The following TRPM3 variants were observed in gnomAD, a reference collection of about 807,000 sequenced individuals.
TRPM3 encodes the protein long transient receptor potential channel 3.
A neutral mutation model predicts 181.2 loss-of-function variants in TRPM3; 77 were observed. That is an observed-to-expected ratio of 0.42 (90% confidence interval 0.35 to 0.51). The LOEUF (loss-of-function observed/expected upper bound fraction) is 0.51, where lower values mean the gene tolerates loss of function less well. Ranked by LOEUF, TRPM3 falls within the 20% of genes least tolerant of loss-of-function variation. The probability of loss-of-function intolerance (pLI) is 0.01; values close to 1 mark genes in which losing one functional copy is unlikely to be tolerated. For missense variants in TRPM3, 1,759 were observed against 2,196.7 expected (o/e 0.80, Z 3.98); for synonymous variants, 745 against 796.4 (o/e 0.94, Z 1.09).
upstream of TRPM3, among the ~76,000 whole-genome samples, chr9:71,124,025 T>C (rs868056634): frequency 3.3e-5 from 5 of 152,014 alleles, no homozygotes; most frequent in Non-Finnish European, 5.9e-5. Flanking sequence ...AGTGAGGAAG[T>C]AGGAGGATTC....
intron 22 of TRPM3, among the ~76,000 whole-genome samples, chr9:70,588,335 C>T (rs2057504461): frequency 6.6e-6 from 1 of 152,116 alleles, no homozygotes; most frequent in Non-Finnish European, 1.5e-5. Flanking sequence ...TCAAAGCCGC[C>T]CTCTCTTCTG....
At chr9:71,203,987 G>A (rs1342965962) in intron 1 of TRPM3, among the ~76,000 whole-genome samples, 1 of 152,064 alleles carries the variant, frequency 6.6e-6, no homozygotes, top group African/African-American at 2.4e-5. Flanking sequence ...AATAAATGGT[G>A]CTGGGAAAAC....
At chr9:71,199,895 T>G (rs942666174) in intron 1 of TRPM3, among the ~76,000 whole-genome samples, 1 of 152,156 alleles carries the variant, frequency 6.6e-6, no homozygotes, top group Admixed American at 6.5e-5. Flanking sequence ...TGATTTTAGT[T>G]ATTTCTTGCC....
chr9:70,628,238 A>G (rs898050371), intron 12 of TRPM3, among the ~76,000 whole-genome samples: 1 of 152,118 alleles, frequency 6.6e-6, no homozygotes, highest in Non-Finnish European at 1.5e-5. Flanking sequence ...TCCTATGGGG[A>G]TGACCGCCCG....
At chr9:71,119,413 C>T (rs60813799) in intron 1 of TRPM3, among the ~76,000 whole-genome samples, 31,806 of 151,500 alleles carry the variant, frequency 0.21, 3,478 homozygotes, top group African/African-American at 0.25. Context: ...GTATGGACAG[C>T]ACTTTCAGTT....
chr9:70,930,895 A>G (rs928843078), intron 1 of TRPM3, among the ~76,000 whole-genome samples: 14 of 152,128 alleles, frequency 9.2e-5, no homozygotes, highest in South Asian at 6.2e-4. Context: ...AAAAATAAAT[A>G]TATATATTCA....
chr9:71,420,645 G>A lies in TRPM3; in HGVS notation c.183+26008C>T, dbSNP rs557948974. 2.9e-3 allele frequency among the ~76,000 whole-genome samples: 340 copies of A among 116,524 alleles called. 3 individuals are homozygous for A. In the Middle Eastern group the frequency reaches 0.036, roughly 12 times the overall value. The allele number at this position is 116,524 out of a possible 152,430, so 76.4% of individuals were successfully genotyped here. A position where few individuals can be genotyped will look rare whatever the true frequency, so the allele number is the denominator to read the frequency against. ...AGAAAAAGAAAAAGAAAAAGAGAGA[G>A]AAAGAGAAAGAAAAAGAGAAAGAAA... On this transcript the variant is annotated intron_variant, in intron 1 of 24. Transcript: ENST00000357533.
intron 3 of TRPM3, among the ~76,000 whole-genome samples, chr9:70,848,778 C>A (rs1322552716): frequency 3.1e-5 from 1 of 31,782 alleles, no homozygotes; most frequent in East Asian, 3.5e-4. Flanking sequence ...GAGATCGAGA[C>A]CATCCTGGCT....
intron 1 of TRPM3, among the ~76,000 whole-genome samples, chr9:70,935,517 A>G (rs1016058692): frequency 6.6e-6 from 1 of 152,172 alleles, no homozygotes; most frequent in Non-Finnish European, 1.5e-5. Flanking sequence ...GTCTCACACT[A>G]TAGGTTGCCT....
rs1589761132 is a variant in TRPM3, at chr9:70,917,294, T to C, written c.178-52783A>G. 5 of 1,374,734 alleles carry C rather than the reference T, an allele frequency of 3.6e-6. No individual in the cohort carries two copies. The East Asian group carries it at 6.9e-5, about 19-fold the overall frequency. The allele number at this position is 1,374,734 out of a possible 1,614,324, so 85.2% of individuals were successfully genotyped here. A position where few individuals can be genotyped will look rare whatever the true frequency, so the allele number is the denominator to read the frequency against. On this transcript the variant is annotated intron_variant, in intron 1 of 25. Transcript: ENST00000677713. Reference sequence around the variant, plus strand: ...AGCATAGTCAATTAGGAAGCGAAAGTGGTATATTATTAATGGAGTTTCATG... The same window carrying C: ...AGCATAGTCAATTAGGAAGCGAAAGCGGTATATTATTAATGGAGTTTCATG...
chr9:71,007,096 A>C (rs2097687578), intron 1 of TRPM3, among the ~76,000 whole-genome samples: 1 of 148,884 alleles, frequency 6.7e-6, no homozygotes, highest in Admixed American at 6.7e-5. Flanking sequence ...AGGAACAGAA[A>C]AAAAAAAAAA....
intron 1 of TRPM3, among the ~76,000 whole-genome samples, chr9:70,920,765 A>G (rs973546213): frequency 4.6e-5 from 7 of 152,238 alleles, no homozygotes; most frequent in Non-Finnish European, 7.3e-5. Flanking sequence ...AATGGAATCA[A>G]TATGAAAAGC....
chr9:70,789,231 T>C (rs556483134), intron 6 of TRPM3, among the ~76,000 whole-genome samples: 1 of 152,330 alleles, frequency 6.6e-6, no homozygotes, highest in East Asian at 1.9e-4. Context: ...ACATTTTTTA[T>C]TTGTGACATA....
At chr9:70,624,980 G>T (rs112615407) in intron 14 of TRPM3, among the ~76,000 whole-genome samples, 29 of 152,218 alleles carry the variant, frequency 1.9e-4, no homozygotes, top group African/African-American at 6.7e-4. Flanking sequence ...AATTTTTAAA[G>T]GTATAAAGAC....
intron 20 of TRPM3, among the ~76,000 whole-genome samples, chr9:70,599,521 G>C (rs150713804): frequency 1.3e-5 from 2 of 152,184 alleles, no homozygotes; most frequent in African/African-American, 4.8e-5. Context: ...CTCATTTCAC[G>C]TCCCATCATA....
At chr9:70,834,463 G>A (rs1218251108) in intron 5 of TRPM3, among the ~76,000 whole-genome samples, 2 of 152,100 alleles carry the variant, frequency 1.3e-5, no homozygotes, top group African/African-American at 2.4e-5. Flanking sequence ...GTATGAGTGG[G>A]GTGATTAAAA....
chr9:70,994,056 C>G (rs2097519550), intron 1 of TRPM3, among the ~76,000 whole-genome samples: 1 of 152,048 alleles, frequency 6.6e-6, no homozygotes, highest in South Asian at 2.1e-4. Flanking sequence ...TATGTTCACC[C>G]ACAAGCACTG....
chr9:71,180,050 C>CT (rs35877663), intron 1 of TRPM3, among the ~76,000 whole-genome samples: 4,507 of 101,084 alleles, frequency 0.045, 241 homozygotes, highest in East Asian at 0.087. Flanking sequence ...ATACATCCTT[C>CT]TTTTTTTTTT....
chr9:71,092,191 A>G (rs1172056574), intron 1 of TRPM3, among the ~76,000 whole-genome samples: 1 of 152,184 alleles, frequency 6.6e-6, no homozygotes, highest in Non-Finnish European at 1.5e-5. Context: ...TTGCCTTTAT[A>G]GAGAAAAGAA....
Sources: gnomAD v4.1 joint callset for allele counts (sites outside exome capture counted in the v4.1 genomes callset) on GRCh38, gnomAD v4.1.1 for gene constraint, MANE v1.5 for transcripts, NCBI Gene and HGNC (gene_info 2026-07-23, HGNC 2026-07-21) for gene names.